The following DISC1 variants were observed in gnomAD, a reference collection of about 807,000 sequenced individuals.
The protein encoded by DISC1 is disrupted in schizophrenia 1 protein.
Under a neutral mutation model 84.5 loss-of-function variants are expected in DISC1, and 57 were observed. The observed-to-expected ratio is 0.67, with a 90% confidence interval of 0.55 to 0.84. The LOEUF (loss-of-function observed/expected upper bound fraction) is 0.84, where lower values mean the gene tolerates loss of function less well. Among genes scored for constraint, DISC1 ranks in the 40% least tolerant of loss-of-function variants. The pLI, the probability that DISC1 is intolerant of heterozygous loss-of-function variation, is 0.00. For missense variants in DISC1, 1,000 were observed against 1,057.8 expected, an observed-to-expected ratio of 0.95 and a Z score of 0.76; for synonymous variants, 411 against 415.2, an observed-to-expected ratio of 0.99 and a Z score of 0.12.
chr1:231,930,053 T>G (rs962499274), intron 9 of DISC1, among the ~76,000 whole-genome samples: 1 of 152,170 alleles, frequency 6.6e-6, no homozygotes, highest in Non-Finnish European at 1.5e-5. Flanking sequence ...CGAAAACCCC[T>G]GGGACCTGAT....
chr1:231,747,110 G>A (rs978912443), intron 3 of DISC1, among the ~76,000 whole-genome samples: 18 of 151,976 alleles, frequency 1.2e-4, no homozygotes, highest in African/African-American at 3.9e-4. Context: ...TTGTATTTTT[G>A]TGTAGAGATG....
At chr1:231,812,906 G>A (rs550379092) in intron 8 of DISC1, among the ~76,000 whole-genome samples, 8 of 152,314 alleles carry the variant, frequency 5.3e-5, no homozygotes, top group African/African-American at 1.9e-4. Context: ...TATTGATCAA[G>A]GGCATTGTAG....
intron 1 of DISC1, among the ~76,000 whole-genome samples, chr1:231,687,942 G>A (rs906578323): frequency 7.9e-5 from 12 of 151,950 alleles, no homozygotes; most frequent in South Asian, 6.2e-4. Context: ...TTTATGTTAC[G>A]TATATGTTAC....
At chr1:231,711,743 G>C (rs2067879150) in intron 3 of DISC1, among the ~76,000 whole-genome samples, 1 of 152,156 alleles carries the variant, frequency 6.6e-6, no homozygotes, top group East Asian at 1.9e-4. Flanking sequence ...GATCTGGTGT[G>C]ACCAGAGGTG....
chr1:231,723,566 G>C, intron 3 of DISC1: 1 of 985,470 alleles, frequency 1.0e-6, no homozygotes, highest in East Asian at 1.1e-4. Flanking sequence ...AGACTTCTCT[G>C]ATGGCCTGTC....
chr1:231,707,157 GC>G (rs1361415798), intron 3 of DISC1, among the ~76,000 whole-genome samples: 1 of 152,150 alleles, frequency 6.6e-6, no homozygotes, highest in African/African-American at 2.4e-5. Context: ...CCATCTGGGG[GC>G]CCATGGAACA....
intron 3 of DISC1, among the ~76,000 whole-genome samples, chr1:231,716,435 A>T (rs1425774820): frequency 6.6e-6 from 1 of 151,640 alleles, no homozygotes; most frequent in East Asian, 1.9e-4. Flanking sequence ...ATGGCAAACT[A>T]TTTTTTTTAT....
intron 3 of DISC1, among the ~76,000 whole-genome samples, chr1:231,743,364 G>C (rs527884790): frequency 6.6e-6 from 1 of 152,144 alleles, no homozygotes; most frequent in Non-Finnish European, 1.5e-5. Context: ...AGCTTAGAAA[G>C]GTTAAGTAAC....
intron 12 of DISC1, among the ~76,000 whole-genome samples, chr1:232,032,708 C>A (rs966414883): frequency 6.6e-6 from 1 of 152,098 alleles, no homozygotes; most frequent in Non-Finnish European, 1.5e-5. Context: ...TTTTTTGAGG[C>A]CTATTCTTGC....
chr1:231,741,501 C>A (rs1484762718), intron 3 of DISC1, among the ~76,000 whole-genome samples: 3 of 152,154 alleles, frequency 2.0e-5, no homozygotes, highest in African/African-American at 7.2e-5. Flanking sequence ...GGCAGCATCC[C>A]AGGTGCAGGT....
chr1:231,803,915 C>T (rs954375051), intron 8 of DISC1, among the ~76,000 whole-genome samples: 4 of 136,548 alleles, frequency 2.9e-5, no homozygotes, highest in Middle Eastern at 4.3e-3. Context: ...CCACTACACT[C>T]CAGCCTGGGT....
intron 1 of DISC1, among the ~76,000 whole-genome samples, chr1:231,673,992 G>C (rs2062885789): frequency 6.6e-6 from 1 of 152,182 alleles, no homozygotes; most frequent in African/African-American, 2.4e-5. Flanking sequence ...AATAGGGTAG[G>C]ACTGAGGCCA....
At chr1:231,876,447 C>T (rs567133215) in intron 9 of DISC1, among the ~76,000 whole-genome samples, 1 of 152,268 alleles carries the variant, frequency 6.6e-6, no homozygotes, top group African/African-American at 2.4e-5. Context: ...AATACATTAC[C>T]CAGCCTCATG....
intron 12 of DISC1, among the ~76,000 whole-genome samples, chr1:232,028,438 G>A (rs1006200445): frequency 5.9e-5 from 9 of 152,130 alleles, no homozygotes; most frequent in Non-Finnish European, 1.5e-5. Context: ...AGCTGGGGAG[G>A]CAGCTCTAGT....
At chr1:231,646,311 T>C (rs934135558) in intron 1 of DISC1, among the ~76,000 whole-genome samples, 21 of 152,018 alleles carry the variant, frequency 1.4e-4, no homozygotes, top group Non-Finnish European at 2.8e-4. Context: ...GCTTCATCCA[T>C]GTCCCTACAA....
intron 9 of DISC1, among the ~76,000 whole-genome samples, chr1:231,823,476 G>A (rs1037500859): frequency 2.0e-5 from 3 of 152,214 alleles, no homozygotes. Flanking sequence ...GAAGACAGTT[G>A]AAGCATCATC....
chr1:231,642,560 C>T (rs1237451816), intron 1 of DISC1, among the ~76,000 whole-genome samples: 1 of 152,222 alleles, frequency 6.6e-6, no homozygotes, highest in Non-Finnish European at 1.5e-5. Context: ...TGTGTAACAA[C>T]ACATATAGGT....
chr1:231,790,507 C>CTTCTT (rs761216137), intron 6 of DISC1, among the ~76,000 whole-genome samples: 120 of 151,918 alleles, frequency 7.9e-4, no homozygotes, highest in Non-Finnish European at 1.2e-3. Flanking sequence ...CTCCGCATCT[C>CTTCTT]TTCTTTTCTT....
chr1:231,990,162 T>A (rs1005381066), intron 10 of DISC1, among the ~76,000 whole-genome samples: 31 of 152,068 alleles, frequency 2.0e-4, no homozygotes, highest in African/African-American at 7.5e-4. Context: ...GAAATGGATA[T>A]TTCTTAGTAT....
Sources: allele counts gnomAD v4.1 joint callset (sites outside exome capture counted in the v4.1 genomes callset), GRCh38; gene constraint gnomAD v4.1.1; transcripts MANE v1.5; gene names NCBI Gene and HGNC (gene_info 2026-07-23, HGNC 2026-07-21).